The following MBNL2 variants were observed in gnomAD, a reference collection of about 807,000 sequenced individuals.
MBNL2 encodes the protein muscleblind like splicing regulator 2, also known as muscleblind-like protein 2.
In MBNL2, 17 loss-of-function variants were observed where a neutral mutation model predicts 41.9. That is an observed-to-expected ratio of 0.41 (90% CI 0.28 to 0.61). The LOEUF is 0.61. MBNL2 is among the 20% of genes least tolerant of loss of function. The probability of loss-of-function intolerance (pLI) is 0.35; values close to 1 mark genes in which losing one functional copy is unlikely to be tolerated. For synonymous variants in MBNL2, 195 were observed against 182.9 expected, an observed-to-expected ratio of 1.07 and a Z score of -0.53; for missense variants, 336 against 505.6, an observed-to-expected ratio of 0.66 and a Z score of 3.22.
At chr13:97,194,848 C>T in the MBNL2 span, among the ~76,000 whole-genome samples, 2 of 152,186 alleles carry the variant, frequency 1.3e-5, no homozygotes, top group Non-Finnish European at 2.9e-5. Context: ...CGGAAGTTAA[C>T]TTATGTGGTC....
At chr13:97,383,043 CCTT>C (rs1222915422) in intron 8 of MBNL2, among the ~76,000 whole-genome samples, 3 of 152,188 alleles carry the variant, frequency 2.0e-5, no homozygotes, top group Admixed American at 1.3e-4. Context: ...AGAAAAGTCT[CCTT>C]CTCATGCCTC....
At chr13:97,203,310 C>T in the MBNL2 span, among the ~76,000 whole-genome samples, 1 of 152,100 alleles carries the variant, frequency 6.6e-6, no homozygotes, top group African/African-American at 2.4e-5. Context: ...TGTTAATTCA[C>T]ATACAAATTG....
chr13:97,216,434 G>A (rs1356153490), upstream of MBNL2, among the ~76,000 whole-genome samples: 6 of 152,146 alleles, frequency 3.9e-5, no homozygotes, highest in Non-Finnish European at 7.3e-5. Context: ...ACATACTAAA[G>A]GACAAAGAGG....
chr13:97,243,918 G>C (rs2044870529), intron 1 of MBNL2, among the ~76,000 whole-genome samples: 1 of 151,896 alleles, frequency 6.6e-6, no homozygotes, highest in South Asian at 2.1e-4. Flanking sequence ...AAAGGTAGAG[G>C]GAAACTTCTC....
the MBNL2 span, among the ~76,000 whole-genome samples, chr13:97,178,008 C>A: frequency 3.9e-5 from 6 of 152,282 alleles, no homozygotes; most frequent in South Asian, 1.2e-3. Flanking sequence ...TGTATGTGTT[C>A]TTGGAAAAGC....
intron 1 of MBNL2, among the ~76,000 whole-genome samples, chr13:97,253,317 T>C (rs982210244): frequency 6.6e-6 from 1 of 152,196 alleles, no homozygotes; most frequent in Non-Finnish European, 1.5e-5. Flanking sequence ...AATGAAAAAG[T>C]ATAGTCCCAA....
chr13:97,369,884 C>A (rs1179945650), intron 8 of MBNL2, among the ~76,000 whole-genome samples: 1 of 152,086 alleles, frequency 6.6e-6, no homozygotes, highest in African/African-American at 2.4e-5. Flanking sequence ...AAAAATACAA[C>A]AAACAGATTT....
At chr13:97,371,647 G>GAT (rs902106823) in intron 8 of MBNL2, among the ~76,000 whole-genome samples, 8 of 152,110 alleles carry the variant, frequency 5.3e-5, no homozygotes, top group Non-Finnish European at 1.2e-4. Flanking sequence ...AGAGTGAGCA[G>GAT]ATGGATTCGA....
chr13:97,147,160 A>T, the MBNL2 span, among the ~76,000 whole-genome samples: 1 of 152,232 alleles, frequency 6.6e-6, no homozygotes, highest in Non-Finnish European at 1.5e-5. Flanking sequence ...GTTGCTGGAA[A>T]AGTAGGCAGG....
chr13:97,331,502 C>T (rs1004248317), intron 2 of MBNL2, among the ~76,000 whole-genome samples: 6 of 152,096 alleles, frequency 3.9e-5, no homozygotes, highest in African/African-American at 7.2e-5. Context: ...CATTATTATA[C>T]GAAAGATCAT....
chr13:97,246,704 C>G (rs2045543602), intron 1 of MBNL2, among the ~76,000 whole-genome samples: 1 of 152,170 alleles, frequency 6.6e-6, no homozygotes, highest in Admixed American at 6.5e-5. Flanking sequence ...ATTAATTTCT[C>G]TTGCTGAATT....
chr13:97,192,282 C>G, the MBNL2 span, among the ~76,000 whole-genome samples: 2 of 152,158 alleles, frequency 1.3e-5, no homozygotes, highest in African/African-American at 4.8e-5. Flanking sequence ...AGATCTGACC[C>G]CACCCCTACG....
Position 97,334,423 on chromosome 13 carries a change from ACAC to A in MBNL2, c.326_328del (p.Pro109del). 1 of 1,612,536 alleles carries A rather than the reference ACAC, an allele frequency of 6.2e-7. No homozygotes were observed. The highest frequency in any genetic ancestry group is 8.5e-7 in the Non-Finnish European group (1 of 1,179,086). On this transcript the variant is annotated inframe_deletion, in exon 3 of 9. Transcript: ENST00000679496. This position sits in a 1 kb window ranked among gnomAD's most constrained non-coding sequence, Gnocchi z 5.3. Reference sequence around the variant, plus strand: ...GCAGATGCAATTTATGTTTCCAGGAACACCACTTCATCCAGTGGTGAGTACATC... The same window carrying A: ...GCAGATGCAATTTATGTTTCCAGGAACACTTCATCCAGTGGTGAGTACATC...
At chr13:97,215,470 T>C in the MBNL2 span, among the ~76,000 whole-genome samples, 2 of 152,226 alleles carry the variant, frequency 1.3e-5, no homozygotes, top group Admixed American at 6.5e-5. Flanking sequence ...CATATATCTT[T>C]GCAAAGCTGG....
In MBNL2 at chr13:97,242,779, TC is replaced by T. The variant is rs769718859; in HGVS notation, c.-605+20254del. On this transcript the variant is annotated intron_variant, in intron 1 of 8. Transcript: ENST00000679496. Reference sequence around the variant, plus strand: ...ACTTACTTGTTCCTTTTTTTTTTTTTCCCCCCTCCTGTACGTTGCTTGATTG... The same window carrying T: ...ACTTACTTGTTCCTTTTTTTTTTTTTCCCCCTCCTGTACGTTGCTTGATTG... Among the ~76,000 whole-genome samples the T allele has an allele frequency of 2.3e-4, 34 of 150,620 alleles. No homozygotes were observed. The East Asian group carries it at 2.9e-3, about 13-fold the overall frequency.
chr13:97,265,244 A>G (rs1400485959), intron 1 of MBNL2, among the ~76,000 whole-genome samples: 2 of 152,168 alleles, frequency 1.3e-5, no homozygotes, highest in Non-Finnish European at 2.9e-5. Context: ...TTTCACTTGT[A>G]CTTTAAGACA....
At chr13:97,291,917 AGTG>A (rs2056141233) in intron 2 of MBNL2, among the ~76,000 whole-genome samples, 1 of 125,310 alleles carries the variant, frequency 8.0e-6, no homozygotes, top group African/African-American at 3.1e-5. Flanking sequence ...AAAAAAAAAA[AGTG>A]GGCTGGGTGC....
intron 5 of MBNL2, 91 bp from the exon 6 acceptor site, chr13:97,356,705 A>G: frequency 1.6e-6 from 1 of 623,824 alleles, no homozygotes; most frequent in Non-Finnish European, 2.7e-6. Flanking sequence ...CGTTCCCATG[A>G]TGCACCTCTG....
chr13:97,233,173 AT>A lies in MBNL2; in HGVS notation c.-605+10643del, dbSNP rs1217414521. On this transcript the variant is annotated intron_variant, in intron 1 of 8. Coordinates refer to ENST00000679496, the MANE Select transcript of MBNL2 (RefSeq NM_001382683.1). ...TATATATATATATATATATATATAT[AT>A]ATCTTTTTATTATACTTTAAGTTCT... is the stretch of plus-strand genomic sequence containing the variant. Among the ~76,000 whole-genome samples, 18 of 102,836 alleles carry A rather than the reference AT, an allele frequency of 1.8e-4. No individual in the cohort carries two copies. In the South Asian group the frequency reaches 2.1e-3, roughly 12 times the overall value. The allele number at this position is 102,836 out of a possible 152,430, so 67.5% of individuals were successfully genotyped here.
Sources: gnomAD v4.1 joint callset for allele counts (sites outside exome capture counted in the v4.1 genomes callset) on GRCh38, gnomAD v4.1.1 for gene constraint, Gnocchi (gnomAD v3.1) non-coding constraint, MANE v1.5 for transcripts, NCBI Gene and HGNC (gene_info 2026-07-23, HGNC 2026-07-21) for gene names.